Variants in ERP44 observed in about 807,000 individuals in gnomAD.
The protein encoded by ERP44 is endoplasmic reticulum resident protein 44.
In ERP44, 25 loss-of-function variants were observed where a neutral mutation model predicts 53.4. The ratio of observed to expected loss-of-function variants is 0.47; its 90% CI spans 0.34 to 0.65. ERP44 has a LOEUF of 0.65. Among genes scored for constraint, ERP44 ranks in the 30% least tolerant of loss-of-function variants. The pLI, the probability that ERP44 is intolerant of heterozygous loss-of-function variation, is 0.01. For missense variants in ERP44, 338 were observed against 493.2 expected, an observed-to-expected ratio of 0.69 and a Z score of 2.98; for synonymous variants, 145 against 161.2, an observed-to-expected ratio of 0.90 and a Z score of 0.76.
intron 8 of ERP44, among the ~76,000 whole-genome samples, chr9:100,015,974 ATACAGG>A (rs1830521656): frequency 6.6e-6 from 1 of 152,168 alleles, no homozygotes; most frequent in Non-Finnish European, 1.5e-5. Flanking sequence ...CCGTGGACTG[ATACAGG>A]TCTGCGGCCC....
chr9:100,029,290 T>TA (rs1392354503), intron 4 of ERP44, among the ~76,000 whole-genome samples: 1 of 152,178 alleles, frequency 6.6e-6, no homozygotes, highest in Non-Finnish European at 1.5e-5. Flanking sequence ...AATCATCTGA[T>TA]AAGGGATTAA....
intron 6 of ERP44, 102 bp downstream of exon 6, chr9:100,020,514 A>T: frequency 1.5e-6 from 1 of 650,594 alleles, no homozygotes; most frequent in Non-Finnish European, 2.8e-6. Flanking sequence ...AAGGATTGAG[A>T]TCATTTTTGG....
chr9:100,086,108 T>C (rs1297839298), intron 1 of ERP44, among the ~76,000 whole-genome samples: 2 of 152,220 alleles, frequency 1.3e-5, no homozygotes, highest in Non-Finnish European at 2.9e-5. Context: ...TTTTGAATGT[T>C]CAAGGTAATA....
At chr9:100,059,267 C>T (rs1826116346) in intron 2 of ERP44, among the ~76,000 whole-genome samples, 1 of 152,158 alleles carries the variant, frequency 6.6e-6, no homozygotes, top group African/African-American at 2.4e-5. Context: ...CTTAAAGCTC[C>T]TAAGTTACGA....
chr9:100,054,365 T>C (rs759829127), intron 3 of ERP44, among the ~76,000 whole-genome samples: 9 of 152,134 alleles, frequency 5.9e-5, no homozygotes, highest in Non-Finnish European at 1.2e-4. Flanking sequence ...AATGGTTTCT[T>C]GAAAAATTTA....
At chr9:100,015,596 C>T (rs543963207) in intron 8 of ERP44, among the ~76,000 whole-genome samples, 4 of 152,244 alleles carry the variant, frequency 2.6e-5, no homozygotes, top group Admixed American at 2.0e-4. Context: ...AACTGCTTTA[C>T]AAAAAACAGA....
At chr9:100,054,535 G>A (rs1274626478) in intron 3 of ERP44, among the ~76,000 whole-genome samples, 1 of 152,144 alleles carries the variant, frequency 6.6e-6, no homozygotes, top group Non-Finnish European at 1.5e-5. Context: ...CTTAATACAG[G>A]TTGAATGCCC....
At chr9:100,014,530 C>T (rs1830510256) in intron 8 of ERP44, among the ~76,000 whole-genome samples, 1 of 152,136 alleles carries the variant, frequency 6.6e-6, no homozygotes, top group Non-Finnish European at 1.5e-5. Context: ...CTCAGGTGAC[C>T]CACCCACCTT....
chr9:100,007,781 G>A (rs1305778150), intron 8 of ERP44, 92 bp from the exon 9 acceptor site: 3 of 751,702 alleles, frequency 4.0e-6, no homozygotes, highest in East Asian at 5.0e-5. Flanking sequence ...CCCAACCCAT[G>A]TAATGCAATA....
intron 10 of ERP44, among the ~76,000 whole-genome samples, chr9:99,991,543 A>G (rs1407526255): frequency 2.0e-5 from 3 of 152,260 alleles, no homozygotes; most frequent in African/African-American, 7.2e-5. Context: ...ATAGCACTAA[A>G]TGCCCATAAA....
chr9:99,990,841 CA>C (rs888832176), intron 10 of ERP44, among the ~76,000 whole-genome samples: 1 of 149,244 alleles, frequency 6.7e-6, no homozygotes, highest in South Asian at 2.1e-4. Flanking sequence ...AAATGGAAAG[CA>C]AAAAAAAAGC....
intron 3 of ERP44, among the ~76,000 whole-genome samples, chr9:100,053,800 T>G (rs1044627221): frequency 1.3e-5 from 2 of 152,214 alleles, no homozygotes; most frequent in Non-Finnish European, 2.9e-5. Flanking sequence ...GGCCATTCTC[T>G]TACGGAAGAA....
intron 4 of ERP44, among the ~76,000 whole-genome samples, chr9:100,024,698 T>G (rs1830633101): frequency 6.6e-6 from 1 of 152,158 alleles, no homozygotes; most frequent in African/African-American, 2.4e-5. Context: ...ATAAAGCACA[T>G]GAGTAATCAT....
intron 10 of ERP44, among the ~76,000 whole-genome samples, chr9:100,005,269 T>A (rs1830415654): frequency 6.6e-6 from 1 of 152,240 alleles, no homozygotes; most frequent in Non-Finnish European, 1.5e-5. Flanking sequence ...GATCAGGTAC[T>A]ACTCTGTTGA....
intron 1 of ERP44, among the ~76,000 whole-genome samples, chr9:100,066,549 A>AG (rs1269073371): frequency 9.8e-5 from 15 of 152,318 alleles, no homozygotes; most frequent in Non-Finnish European, 2.1e-4. Context: ...AGATTCTCAG[A>AG]GCCCTTTCTT....
intron 1 of ERP44, among the ~76,000 whole-genome samples, chr9:100,088,502 T>C (rs1484371308): frequency 6.6e-6 from 1 of 152,232 alleles, no homozygotes. Flanking sequence ...AATACACTCC[T>C]GATCCTTCTC....
chr9:100,091,171 T>C (rs1339297871), intron 1 of ERP44, among the ~76,000 whole-genome samples: 4 of 152,126 alleles, frequency 2.6e-5, no homozygotes, highest in Non-Finnish European at 5.9e-5. Context: ...AAAATTAGAG[T>C]CCAATATAAT....
intron 1 of ERP44, among the ~76,000 whole-genome samples, chr9:100,082,962 G>A (rs766885087): frequency 3.9e-5 from 6 of 151,920 alleles, no homozygotes; most frequent in Non-Finnish European, 8.8e-5. Context: ...GAATGGAGAA[G>A]GAATTTCTAA....
intron 4 of ERP44, among the ~76,000 whole-genome samples, chr9:100,040,015 G>A (rs1024693872): frequency 3.3e-5 from 5 of 151,786 alleles, no homozygotes; most frequent in East Asian, 1.9e-4. Flanking sequence ...TAATGAGATC[G>A]AAGCCATAAT....
Sources: gnomAD v4.1 joint callset for allele counts (sites outside exome capture counted in the v4.1 genomes callset) on GRCh38, gnomAD v4.1.1 for gene constraint, MANE v1.5 for transcripts, NCBI Gene and HGNC (gene_info 2026-07-23, HGNC 2026-07-21) for gene names.